Variants in OSBPL9 observed in about 807,000 individuals in gnomAD.
OSBPL9 encodes the protein oxysterol-binding protein-related protein 9.
Under a neutral mutation model 106.6 loss-of-function variants are expected in OSBPL9, and 40 were observed. That is an observed-to-expected ratio of 0.38 (90% CI 0.29 to 0.49). The LOEUF is 0.49. Among genes scored for constraint, OSBPL9 ranks in the 20% least tolerant of loss-of-function variants. The pLI is 0.97. For synonymous variants in OSBPL9, 269 were observed against 295.4 expected (o/e 0.91, Z 0.92); for missense variants, 609 against 887.2 (o/e 0.69, Z 3.98).
rs116780034 is a variant in OSBPL9, at chr1:51,734,573, G to A, written c.319-10963G>A. On this transcript the variant is annotated intron_variant, in intron 4 of 23. Coordinates refer to ENST00000428468, the MANE Select transcript of OSBPL9 (RefSeq NM_024586.6). ...GGAATTTATCCTCCTGGTGAACCTA[G>A]TTGTTTACCTGGAAGTATTGGCATC... Among the ~76,000 whole-genome samples the A allele has an allele frequency of 6.4e-3, 970 of 152,304 alleles. 7 individuals carry two copies. Among genetic ancestry groups the A allele is most frequent in the Non-Finnish European group, 0.011 (757 of 68,004 alleles).
intron 1 of OSBPL9, among the ~76,000 whole-genome samples, chr1:51,590,909 C>T (rs1361427816): frequency 1.3e-5 from 2 of 150,994 alleles, no homozygotes; most frequent in African/African-American, 4.9e-5. Flanking sequence ...GCCACCATGC[C>T]TGGCTAATTT....
intron 3 of OSBPL9, among the ~76,000 whole-genome samples, chr1:51,704,433 T>C (rs985246222): frequency 4.6e-5 from 7 of 152,336 alleles, no homozygotes; most frequent in East Asian, 1.9e-4. Context: ...TGCGTAGAGG[T>C]GTTTATAGTA....
At position 51,658,101 on chromosome 1, in the gene OSBPL9, C is replaced by G. The variant is rs548300733; in HGVS notation, c.162+6060C>G. 2.7e-5 allele frequency among the ~76,000 whole-genome samples: 4 copies of G among 150,428 alleles called. No individual in the cohort carries two copies. In the South Asian group the frequency reaches 8.4e-4, roughly 31 times the overall value. The stretch of plus-strand genomic sequence containing the variant: ...CCAGCCTGGGTAACAGAGCAAGACC[C>G]TGTCTCAAAGAAAAAAAAAAAAAAA... On this transcript the variant is annotated intron_variant, in intron 2 of 23. Transcript: ENST00000428468.
At chr1:51,736,038 G>C (rs1032034439) in intron 4 of OSBPL9, among the ~76,000 whole-genome samples, 7 of 152,102 alleles carry the variant, frequency 4.6e-5, no homozygotes, top group Non-Finnish European at 1.0e-4. Flanking sequence ...CTAGTTCCTT[G>C]ATTACTTTTT....
chr1:51,756,270 G>A, intron 8 of OSBPL9, 50 bp from the exon 9 acceptor site: 1 of 1,481,614 alleles, frequency 6.7e-7, no homozygotes, highest in Non-Finnish European at 9.4e-7. Flanking sequence ...TACACAAGGA[G>A]TTACTTACAT....
At chr1:51,656,855 G>A (rs1646851532) in intron 2 of OSBPL9, among the ~76,000 whole-genome samples, 1 of 151,390 alleles carries the variant, frequency 6.6e-6, no homozygotes, top group Admixed American at 6.6e-5. Context: ...TTAGAGACGA[G>A]GTCTCACTGT....
chr1:51,666,138 G>A (rs549698602), intron 2 of OSBPL9, among the ~76,000 whole-genome samples: 83 of 152,270 alleles, frequency 5.5e-4, no homozygotes, highest in African/African-American at 1.7e-3. Flanking sequence ...GTGAGCCGCC[G>A]CACCCGGCCT....
In OSBPL9 at chr1:51,669,467, A is replaced by G. The variant is rs1317622550; in HGVS notation, c.196A>G (p.Ser66Gly). 1.9e-6 allele frequency: 3 copies of G among 1,614,004 alleles called. No homozygotes were observed. Among genetic ancestry groups the G allele is most frequent in the Admixed American group, 1.7e-5 (1 of 60,006 alleles). Residue 66 changes from serine to glycine, a missense_variant, in exon 3 of 24, where the codon AGC becomes GGC. This residue lies in a region of OSBPL9 where 72 missense variants were observed against 140.5 expected (regional missense o/e 0.51). Coordinates refer to ENST00000428468, the MANE Select transcript of OSBPL9 (RefSeq NM_024586.6). ...GATTGGTATAGACGATGAGGACGAC[A>G]GCACCTTCACAATAACTGTTGATCA... ...AVIGIDDEDD[S>G]TFTITVDQKT...
intron 4 of OSBPL9, among the ~76,000 whole-genome samples, chr1:51,721,303 G>A (rs1662083759): frequency 6.6e-6 from 1 of 152,078 alleles, no homozygotes; most frequent in South Asian, 2.1e-4. Flanking sequence ...TTGAGTCTGT[G>A]AGTAAAACAT....
intron 4 of OSBPL9, chr1:51,740,230 A>G (rs1484554612): frequency 6.5e-7 from 1 of 1,530,342 alleles, no homozygotes; most frequent in South Asian, 1.3e-5. Flanking sequence ...TTGAATTGTA[A>G]GTATGCTCTA....
chr1:51,602,419 A>ATTTTT (rs1357173060), intron 2 of OSBPL9, among the ~76,000 whole-genome samples: 4 of 104,656 alleles, frequency 3.8e-5, no homozygotes, highest in African/African-American at 8.2e-5. Context: ...TTTTTTTTTA[A>ATTTTT]TTTTTTTTTT....
chr1:51,634,142 C>T (rs1012823801), intron 1 of OSBPL9, among the ~76,000 whole-genome samples: 3 of 152,166 alleles, frequency 2.0e-5, no homozygotes, highest in Non-Finnish European at 4.4e-5. Context: ...ATCTTCTATA[C>T]ATTTTTGTAG....
At chr1:51,714,315 T>C (rs1236104950) in intron 4 of OSBPL9, among the ~76,000 whole-genome samples, 1 of 152,220 alleles carries the variant, frequency 6.6e-6, no homozygotes, top group Non-Finnish European at 1.5e-5. Context: ...AAGACAATGT[T>C]GAAAGTGAAA....
At chr1:51,569,410 G>C in the OSBPL9 span, 1 of 152,172 alleles carries the variant, frequency 6.6e-6, no homozygotes, top group East Asian at 1.9e-4. Context: ...TCTTTGAAGA[G>C]TCCTGCCACA....
chr1:51,687,168 A>AACCCAAAATTGAAAATCCCACACC, intron 3 of OSBPL9, among the ~76,000 whole-genome samples: 1 of 152,182 alleles, frequency 6.6e-6, no homozygotes, highest in Non-Finnish European at 1.5e-5. Flanking sequence ...GCTTAGTGAT[A>AACCCAAAATTGAAAATCCCACACC]ACCCAAAATT....
At chr1:51,637,605 A>T (rs1166236563) in intron 1 of OSBPL9, among the ~76,000 whole-genome samples, 1 of 152,258 alleles carries the variant, frequency 6.6e-6, no homozygotes, top group Non-Finnish European at 1.5e-5. Context: ...TGCTCAGTAA[A>T]TGATAACAAA....
Position 51,677,977 on chromosome 1 carries a change from C to T in OSBPL9, c.241+8465C>T, listed in dbSNP as rs1461410135. Among the ~76,000 whole-genome samples, 8 of 151,404 alleles carry T rather than the reference C, an allele frequency of 5.3e-5. No individual in the cohort carries two copies. The East Asian group carries it at 9.8e-4, about 19-fold the overall frequency. ...TGGCTTGAGGCCAAGACTTAGAGAC[C>T]AGCCTAGGCAATATAGTGAGGTCCT... On this transcript the variant is annotated intron_variant, in intron 3 of 23. Coordinates refer to ENST00000428468, the MANE Select transcript of OSBPL9 (RefSeq NM_024586.6).
intron 4 of OSBPL9, among the ~76,000 whole-genome samples, chr1:51,741,456 T>TTTCC (rs923405331): frequency 1.4e-5 from 2 of 147,964 alleles, no homozygotes; most frequent in African/African-American, 2.5e-5. Context: ...CCCTTCCTTC[T>TTTCC]TTCCTTCCTT....
At chr1:51,590,255 A>T (rs1461985051) in intron 1 of OSBPL9, among the ~76,000 whole-genome samples, 2 of 152,134 alleles carry the variant, frequency 1.3e-5, no homozygotes, top group Admixed American at 1.3e-4. Context: ...AGGCCATTCA[A>T]ATTACTGCAG....
Sources: allele counts gnomAD v4.1 joint callset (sites outside exome capture counted in the v4.1 genomes callset), GRCh38; gene constraint gnomAD v4.1.1; regional missense constraint gnomAD v4.1.1; transcripts MANE v1.5; gene names NCBI Gene and HGNC (gene_info 2026-07-23, HGNC 2026-07-21).